GJB6: variants seen among roughly 807,000 people sequenced by gnomAD.
The protein encoded by GJB6 is gap junction protein beta 6.
GJB6 carries 5 observed loss-of-function variants against 5.4 expected under a neutral mutation model. The ratio of observed to expected loss-of-function variants is 0.92; its 90% CI spans 0.48 to 1.93. The LOEUF (loss-of-function observed/expected upper bound fraction) is 1.93. Among genes scored for constraint, GJB6 ranks in the 30% most tolerant of loss-of-function variants. The pLI is 0.01. For missense variants in GJB6, 298 were observed against 326.9 expected (o/e 0.91, Z 0.68); for synonymous variants, 136 against 129.6 (o/e 1.05, Z -0.34).
chr13:20,228,149 C>A (rs1411845969), intron 4 of GJB6, among the ~76,000 whole-genome samples: 1 of 152,344 alleles, frequency 6.6e-6, no homozygotes, highest in African/African-American at 2.4e-5. Context: ...CCAAAATCAT[C>A]GCATCCACTG....
At chr13:20,228,464 TTTG>T in intron 4 of GJB6, among the ~76,000 whole-genome samples, 1 of 141,652 alleles carries the variant, frequency 7.1e-6, no homozygotes, top group Middle Eastern at 3.7e-3. Context: ...TTCTTGTTTG[TTTG>T]TTTTTGTTTT....
At position 20,222,851 on chromosome 13, in the gene GJB6, C is replaced by A. The variant is rs1271696475; in HGVS notation, c.630G>T (p.Leu210Phe). The A allele has an allele frequency of 6.2e-7, 1 of 1,614,168 alleles. No individual in the cohort carries two copies. The highest frequency in any genetic ancestry group is 8.5e-7 in the Non-Finnish European group (1 of 1,180,024). The change falls in exon 5 of 5, where the codon TTG becomes TTT. Residue 210 changes from leucine to phenylalanine, a missense_variant. Transcript: ENST00000647029. ...VICMLLNVAE[L>F]CYLLLKVCFR... ...AACACACTTTCAGCAGCAGGTAGCA[C>A]AACTCTGCCACGTTAAGCAGCATGC... is the stretch of plus-strand genomic sequence containing the variant.
At chr13:20,228,484 T>C (rs1282290555) in intron 4 of GJB6, among the ~76,000 whole-genome samples, 3 of 116,866 alleles carry the variant, frequency 2.6e-5, no homozygotes, top group East Asian at 7.5e-4. Flanking sequence ...TTTTTTGTTT[T>C]TGTTTTTTGT....
chr13:20,227,436 T>C (rs1869669862), intron 4 of GJB6, among the ~76,000 whole-genome samples: 1 of 151,974 alleles, frequency 6.6e-6, no homozygotes, highest in South Asian at 2.1e-4. Flanking sequence ...TGGTTCAGAG[T>C]GTCCTCCTGC....
At chr13:20,225,701 G>A (rs1869529649) in intron 4 of GJB6, 1 of 152,080 alleles carries the variant, frequency 6.6e-6, no homozygotes, top group South Asian at 2.1e-4. Flanking sequence ...GTGTGAACTG[G>A]GGGACTTTCT....
intron 4 of GJB6, among the ~76,000 whole-genome samples, chr13:20,228,883 A>C (rs1046927435): frequency 2.0e-5 from 3 of 152,110 alleles, no homozygotes; most frequent in Non-Finnish European, 2.9e-5. Context: ...CAGCATTGTG[A>C]AGATAGGTTG....
rs1869218002 is a variant in GJB6, at chr13:20,222,202, G to A, written c.*493C>T. ...ACAATATTTACAAGATAGACCCTTTGTAAGTTCCAAATTTAGATACTTGTG... is the reference window on the plus strand; with the variant it reads ...ACAATATTTACAAGATAGACCCTTTATAAGTTCCAAATTTAGATACTTGTG... On this transcript the variant is annotated 3_prime_UTR_variant, in exon 5 of 5. Transcript: ENST00000647029. 1.2e-5 allele frequency: 2 copies of A among 167,962 alleles called. No individual in the cohort carries two copies. The highest frequency in any genetic ancestry group is 3.0e-4 in the South Asian group (2 of 6,640). The allele number at this position is 167,962 out of a possible 1,614,324, so 10.4% of individuals were successfully genotyped here.
At chr13:20,226,304 A>T (rs1286739550) in intron 4 of GJB6, among the ~76,000 whole-genome samples, 1 of 151,144 alleles carries the variant, frequency 6.6e-6, no homozygotes. Flanking sequence ...AAAAAAAAAA[A>T]AGAAAATTGA....
In GJB6 at chr13:20,226,232, A is replaced by G. The variant is rs187756464; in HGVS notation, c.-15-2737T>C. Among the ~76,000 whole-genome samples, 216 of 151,812 alleles carry G rather than the reference A, an allele frequency of 1.4e-3. 2 individuals are homozygous for G. The highest frequency in any genetic ancestry group is 4.9e-3 in the African/African-American group (203 of 41,384). On this transcript the variant is annotated intron_variant, in intron 4 of 4. Coordinates refer to ENST00000647029, the MANE Select transcript of GJB6 (RefSeq NM_001110219.3). ...AACAGAGGATTCAATGCCTGCGTGG[A>G]TCTAGGACTAAGAACTGGATCTGAC...
intron 4 of GJB6, among the ~76,000 whole-genome samples, chr13:20,225,044 T>C (rs926266127): frequency 3.3e-5 from 5 of 152,242 alleles, no homozygotes; most frequent in Non-Finnish European, 7.3e-5. Context: ...GGTGCTACTG[T>C]GTGCCCCAAG....
intron 2 of GJB6, 132 bp from the exon 3 acceptor site, chr13:20,230,939 T>C (rs1374337074): frequency 2.0e-5 from 3 of 152,226 alleles, no homozygotes; most frequent in East Asian, 1.9e-4. Context: ...CTTTAGTCAC[T>C]GCAGTGGCAA....
intron 4 of GJB6, among the ~76,000 whole-genome samples, chr13:20,228,553 G>A (rs562847302): frequency 3.3e-5 from 5 of 150,926 alleles, no homozygotes; most frequent in Admixed American, 6.6e-5. Context: ...GCACGATCTC[G>A]GCTCACTGCA....
chr13:20,222,839 C>G lies in GJB6; in HGVS notation c.642G>C (p.Leu214=). Residue 214 remains leucine (L), a synonymous_variant, in exon 5 of 5, where the codon CTG becomes CTC. Coordinates refer to ENST00000647029, the MANE Select transcript of GJB6 (RefSeq NM_001110219.3). ...LLNVAELCYL[L]LKVCFRRSKR... ...TTGATCTCCTAAAACACACTTTCAG[C>G]AGCAGGTAGCACAACTCTGCCACGT... 2 of 1,614,162 alleles carry G rather than the reference C, an allele frequency of 1.2e-6. No individual in the cohort carries two copies. The highest frequency in any genetic ancestry group is 8.5e-7 in the Non-Finnish European group (1 of 1,180,034).
In GJB6 at chr13:20,225,789, G is replaced by A. The variant is rs142067194; in HGVS notation, c.-15-2294C>T. 23 of 152,254 alleles carry A rather than the reference G, an allele frequency of 1.5e-4. No individual in the cohort carries two copies. The East Asian group carries it at 2.1e-3, about 14-fold the overall frequency. 9.4% of individuals were successfully genotyped at this position (152,254 alleles called of 1,614,324 possible). On this transcript the variant is annotated intron_variant, in intron 4 of 4. Coordinates refer to ENST00000647029, the MANE Select transcript of GJB6 (RefSeq NM_001110219.3). ...GTTCCGTGATAGCAACTATGACAACGGCAATGGCACCGAGTCTTGGAATCA... is the reference window on the plus strand; with the variant it reads ...GTTCCGTGATAGCAACTATGACAACAGCAATGGCACCGAGTCTTGGAATCA...
chr13:20,230,534 C>T (rs966015276), intron 3 of GJB6, among the ~76,000 whole-genome samples, 164 bp downstream of exon 3: 5 of 152,160 alleles, frequency 3.3e-5, no homozygotes, highest in African/African-American at 1.2e-4. Flanking sequence ...GGTTCCAGGT[C>T]TATGCTCATG....
chr13:20,222,876 C>A lies in GJB6; in HGVS notation c.605G>T (p.Cys202Phe), dbSNP rs1364245978. 14 of 1,614,110 alleles carry A rather than the reference C, an allele frequency of 8.7e-6. No homozygotes were observed. Among genetic ancestry groups the A allele is most frequent in the Non-Finnish European group, 1.2e-5 (14 of 1,180,020 alleles). The stretch of plus-strand genomic sequence containing the variant: ...CAACTCTGCCACGTTAAGCAGCATG[C>A]AAATCACAGACGCAGAAATCATAAA... Reference protein sequence around the residue: ...TIFMISASVICMLLNVAELCY... With the variant: ...TIFMISASVIFMLLNVAELCY... The change falls in exon 5 of 5, where the codon TGC becomes TTC. Residue 202 changes from cysteine to phenylalanine, a missense_variant. Coordinates refer to ENST00000647029, the MANE Select transcript of GJB6 (RefSeq NM_001110219.3).
Position 20,222,965 on chromosome 13 carries a change from G to T in GJB6, c.516C>A (p.Asp172Glu), listed in dbSNP as rs150583213. ...HLPWVLKCGI[D>E]PCPNLVDCFI... ...AGCAGTCAACAAGGTTGGGGCAGGGGTCAATCCCACATTTCAACACCCAGG... is the reference window on the plus strand; with the variant it reads ...AGCAGTCAACAAGGTTGGGGCAGGGTTCAATCCCACATTTCAACACCCAGG... Residue 172 changes from aspartate to glutamate, a missense_variant, in exon 5 of 5, where the codon GAC becomes GAA. Asp to Glu is a conservative substitution (Grantham distance 45). Transcript: ENST00000647029. 2.5e-6 allele frequency: 4 copies of T among 1,614,004 alleles called. No homozygotes were observed. The highest frequency in any genetic ancestry group is 2.7e-5 in the African/African-American group (2 of 74,906).
At chr13:20,225,728 C>T (rs1869531793) in intron 4 of GJB6, 1 of 152,166 alleles carries the variant, frequency 6.6e-6, no homozygotes, top group Non-Finnish European at 1.5e-5. Flanking sequence ...CCCCCAGCAA[C>T]ATTCTAAAAC....
At chr13:20,225,433 T>A (rs147173302) in intron 4 of GJB6, 1 of 152,368 alleles carries the variant, frequency 6.6e-6, no homozygotes, top group African/African-American at 2.4e-5. Context: ...CATCTATCAA[T>A]GGACACTGGG....
Sources: gnomAD v4.1 joint callset for allele counts (sites outside exome capture counted in the v4.1 genomes callset) on GRCh38, gnomAD v4.1.1 for gene constraint, MANE v1.5 for transcripts, NCBI Gene and HGNC (gene_info 2026-07-23, HGNC 2026-07-21) for gene names.